CNTNAP2: variants seen among roughly 807,000 people sequenced by gnomAD.
CNTNAP2 encodes contactin associated protein 2, also known as contactin-associated protein-like 2.
In CNTNAP2, 98 loss-of-function variants were observed where a neutral mutation model predicts 155.2. The ratio of observed to expected loss-of-function variants is 0.63; its 90% CI spans 0.54 to 0.75. CNTNAP2 has a LOEUF of 0.75. Among genes scored for constraint, CNTNAP2 ranks in the 30% least tolerant of loss-of-function variants. CNTNAP2 has a pLI of 0.00. For missense variants in CNTNAP2, 1,727 were observed against 1,688.1 expected (o/e 1.02, Z -0.40); for synonymous variants, 651 against 631.2 (o/e 1.03, Z -0.47).
intron 22 of CNTNAP2, among the ~76,000 whole-genome samples, chr7:148,388,846 G>A (rs929721183): frequency 2.5e-4 from 38 of 152,156 alleles, no homozygotes; most frequent in Non-Finnish European, 4.4e-4. Context: ...GCAGAACAGC[G>A]GTTTTTCGTG....
chr7:148,261,620 G>A (rs938127180), intron 20 of CNTNAP2, among the ~76,000 whole-genome samples: 1 of 152,172 alleles, frequency 6.6e-6, no homozygotes, highest in Admixed American at 6.5e-5. Context: ...GAGCTGGTCC[G>A]GAATTGCTGG....
At chr7:147,556,956 G>A (rs185009223) in intron 11 of CNTNAP2, among the ~76,000 whole-genome samples, 5 of 152,228 alleles carry the variant, frequency 3.3e-5, no homozygotes, top group Non-Finnish European at 7.4e-5. Flanking sequence ...AAATGAATAA[G>A]ACATTTAGTG....
At chr7:147,493,558 G>A (rs1391443876) in intron 11 of CNTNAP2, among the ~76,000 whole-genome samples, 1 of 152,152 alleles carries the variant, frequency 6.6e-6, no homozygotes, top group Non-Finnish European at 1.5e-5. Flanking sequence ...ATACTGGAGT[G>A]TGAAGTAGAG....
At chr7:147,230,799 A>C (rs1241151409) in intron 8 of CNTNAP2, among the ~76,000 whole-genome samples, 4 of 152,128 alleles carry the variant, frequency 2.6e-5, no homozygotes, top group African/African-American at 7.2e-5. Flanking sequence ...TTTGTGACTG[A>C]ACTTTTAGAT....
intron 1 of CNTNAP2, among the ~76,000 whole-genome samples, chr7:146,715,292 A>G (rs896113063): frequency 6.6e-6 from 1 of 152,144 alleles, no homozygotes; most frequent in Non-Finnish European, 1.5e-5. Flanking sequence ...AGATCGTGCC[A>G]TTGCGCTCTA....
chr7:146,996,025 A>C (rs1242421137), intron 3 of CNTNAP2, among the ~76,000 whole-genome samples: 1 of 151,856 alleles, frequency 6.6e-6, no homozygotes, highest in Non-Finnish European at 1.5e-5. Context: ...TTTTTTTAGC[A>C]GCTTTATAGT....
intron 9 of CNTNAP2, among the ~76,000 whole-genome samples, chr7:147,331,640 A>T (rs539846621): frequency 6.6e-6 from 1 of 152,258 alleles, no homozygotes; most frequent in East Asian, 1.9e-4. Context: ...AGGTAGAGGG[A>T]TCGGCAGAGA....
intron 1 of CNTNAP2, among the ~76,000 whole-genome samples, chr7:146,768,333 C>T (rs1215997316): frequency 1.3e-5 from 2 of 151,732 alleles, no homozygotes; most frequent in African/African-American, 2.4e-5. Context: ...CCCCCGATGT[C>T]CATTTCAGGG....
At chr7:146,934,034 G>C (rs1217059014) in intron 3 of CNTNAP2, among the ~76,000 whole-genome samples, 1 of 152,212 alleles carries the variant, frequency 6.6e-6, no homozygotes, top group Non-Finnish European at 1.5e-5. Context: ...TCAGTGTGGC[G>C]TTTCCTCAGG....
At chr7:147,265,845 G>C (rs1454757431) in intron 8 of CNTNAP2, among the ~76,000 whole-genome samples, 1 of 152,108 alleles carries the variant, frequency 6.6e-6, no homozygotes, top group Non-Finnish European at 1.5e-5. Context: ...ACATCTCCAA[G>C]TGTGGGAGGG....
chr7:148,391,489 T>G (rs1799348295), intron 22 of CNTNAP2, among the ~76,000 whole-genome samples: 1 of 125,096 alleles, frequency 8.0e-6, no homozygotes, highest in Admixed American at 7.1e-5. Flanking sequence ...ATCCAATCTT[T>G]TTTTCTTCTA....
At chr7:147,031,368 A>C (rs1799028618) in intron 3 of CNTNAP2, among the ~76,000 whole-genome samples, 1 of 152,242 alleles carries the variant, frequency 6.6e-6, no homozygotes, top group Admixed American at 6.5e-5. Context: ...CCATTATATA[A>C]TCCAGAAATT....
In CNTNAP2 at chr7:146,588,006, ATGTG is replaced by A. The variant is rs370352120; in HGVS notation, c.98-186241_98-186238del. ...TAATTTTCAAACAAACCGTGTGTGT[ATGTG>A]TGTGTGTGTGTGTGTGTGTGTGTAA... On this transcript the variant is annotated intron_variant, in intron 1 of 23. Coordinates refer to ENST00000361727, the MANE Select transcript of CNTNAP2 (RefSeq NM_014141.6). Among the ~76,000 whole-genome samples, 1,293 of 148,924 alleles carry A rather than the reference ATGTG, an allele frequency of 8.7e-3. 11 individuals carry two copies. The highest frequency in any genetic ancestry group is 0.03 in the African/African-American group (1,213 of 40,542).
chr7:147,258,173 ATG>A (rs1184884362), intron 8 of CNTNAP2, among the ~76,000 whole-genome samples: 1 of 152,110 alleles, frequency 6.6e-6, no homozygotes, highest in African/African-American at 2.4e-5. Flanking sequence ...TTGAGTAAAA[ATG>A]AAATTGGTTA....
At chr7:147,685,097 CT>C (rs1482909372) in intron 13 of CNTNAP2, among the ~76,000 whole-genome samples, 3 of 152,026 alleles carry the variant, frequency 2.0e-5, no homozygotes, top group Admixed American at 2.0e-4. Flanking sequence ...TGCATAAAAC[CT>C]CAGTGTTTAA....
At chr7:148,091,062 G>T (rs1803830670) in intron 15 of CNTNAP2, among the ~76,000 whole-genome samples, 1 of 152,080 alleles carries the variant, frequency 6.6e-6, no homozygotes. Flanking sequence ...TTACCACAGA[G>T]ACTGGGAGGT....
At chr7:147,202,241 T>TAAA (rs35746648) in intron 8 of CNTNAP2, among the ~76,000 whole-genome samples, 2 of 145,458 alleles carry the variant, frequency 1.4e-5, no homozygotes, top group Non-Finnish European at 3.0e-5. Context: ...TAGCCTGATT[T>TAAA]AAAAAAAAAA....
At chr7:147,256,779 T>C (rs1029866387) in intron 8 of CNTNAP2, among the ~76,000 whole-genome samples, 1 of 152,188 alleles carries the variant, frequency 6.6e-6, no homozygotes, top group African/African-American at 2.4e-5. Context: ...AATGGACGCA[T>C]TGAACTTGGT....
chr7:147,936,609 C>G (rs540371408), intron 14 of CNTNAP2, among the ~76,000 whole-genome samples: 4 of 152,288 alleles, frequency 2.6e-5, no homozygotes, highest in African/African-American at 7.2e-5. Context: ...TCCCTCCCCT[C>G]CCTCATTTTG....
Sources: gnomAD v4.1 joint callset for allele counts (sites outside exome capture counted in the v4.1 genomes callset) on GRCh38, gnomAD v4.1.1 for gene constraint, MANE v1.5 for transcripts, NCBI Gene and HGNC (gene_info 2026-07-23, HGNC 2026-07-21) for gene names.